Variants in LGSN observed in about 807,000 individuals in gnomAD.
LGSN encodes the protein lengsin, lens protein with glutamine synthetase domain, also known as lengsin.
In LGSN, 21 loss-of-function variants were observed where a neutral mutation model predicts 19.5. The observed-to-expected ratio is 1.07, with a 90% CI of 0.76 to 1.55. The LOEUF is 1.55. Ranked by LOEUF, LGSN falls within the 40% of genes most tolerant of loss-of-function variation. LGSN has a pLI of 0.00. For synonymous variants in LGSN, 257 were observed against 215.6 expected (o/e 1.19, Z -1.68); for missense variants, 673 against 608.5 (o/e 1.11, Z -1.12).
the LGSN span, among the ~76,000 whole-genome samples, chr6:63,512,599 G>T: frequency 1.3e-5 from 2 of 152,158 alleles, no homozygotes; most frequent in African/African-American, 4.8e-5. Flanking sequence ...GTCATTCATT[G>T]TGCAAAGGGT....
chr6:63,344,066 A>G, the LGSN span, among the ~76,000 whole-genome samples: 2 of 152,218 alleles, frequency 1.3e-5, no homozygotes, highest in African/African-American at 4.8e-5. Flanking sequence ...CATAACCTCC[A>G]TATGACAGCC....
chr6:63,337,416 A>T, the LGSN span, among the ~76,000 whole-genome samples: 1 of 151,836 alleles, frequency 6.6e-6, no homozygotes, highest in Non-Finnish European at 1.5e-5. Flanking sequence ...GGTAGAGGTT[A>T]CAGTGAGCCA....
chr6:63,536,191 C>A, the LGSN span, among the ~76,000 whole-genome samples: 2 of 152,182 alleles, frequency 1.3e-5, no homozygotes, highest in Admixed American at 6.5e-5. Context: ...ATTAGCTGGG[C>A]GTGGTGGCGG....
the LGSN span, among the ~76,000 whole-genome samples, chr6:63,568,299 C>T: frequency 1.3e-5 from 2 of 152,212 alleles, no homozygotes; most frequent in Non-Finnish European, 2.9e-5. Context: ...AATGACTCTT[C>T]CTTTCACTTG....
the LGSN span, among the ~76,000 whole-genome samples, chr6:63,436,255 G>A: frequency 6.6e-6 from 1 of 152,016 alleles, no homozygotes. Context: ...AACTTTATGA[G>A]AGCAGCCCGG....
At chr6:63,490,264 G>A in the LGSN span, among the ~76,000 whole-genome samples, 4 of 152,132 alleles carry the variant, frequency 2.6e-5, no homozygotes, top group Non-Finnish European at 5.9e-5. Flanking sequence ...TCCGTGTAAG[G>A]TTGAGAATAG....
At chr6:63,543,757 C>T in the LGSN span, among the ~76,000 whole-genome samples, 3 of 152,276 alleles carry the variant, frequency 2.0e-5, no homozygotes, top group African/African-American at 7.2e-5. Context: ...TCAAGTGAAA[C>T]TTATAATGAC....
the LGSN span, among the ~76,000 whole-genome samples, chr6:63,438,513 A>C: frequency 5.3e-5 from 8 of 152,136 alleles, no homozygotes. Context: ...TACAAGAAAA[A>C]AACAAACAAC....
At chr6:63,552,857 T>C in the LGSN span, among the ~76,000 whole-genome samples, 3 of 152,346 alleles carry the variant, frequency 2.0e-5, no homozygotes, top group East Asian at 5.8e-4. Context: ...ATGTGTGGTA[T>C]TATTTCTGAG....
chr6:63,325,650 C>T, the LGSN span, among the ~76,000 whole-genome samples: 1 of 152,178 alleles, frequency 6.6e-6, no homozygotes, highest in South Asian at 2.1e-4. Flanking sequence ...AATGAAGCCG[C>T]AGACCCTCAC....
chr6:63,284,604 T>A (rs1308975836), intron 3 of LGSN, among the ~76,000 whole-genome samples: 1 of 152,188 alleles, frequency 6.6e-6, no homozygotes, highest in Non-Finnish European at 1.5e-5. Flanking sequence ...GGCAAGTAGT[T>A]AAAGTGCCAG....
chr6:63,498,670 A>G, the LGSN span, among the ~76,000 whole-genome samples: 1 of 152,250 alleles, frequency 6.6e-6, no homozygotes, highest in Non-Finnish European at 1.5e-5. Flanking sequence ...CAGGACAGTG[A>G]AGCAATGTTT....
the LGSN span, among the ~76,000 whole-genome samples, chr6:63,365,335 A>G: frequency 6.6e-6 from 1 of 152,206 alleles, no homozygotes; most frequent in East Asian, 1.9e-4. Context: ...TAGAAAATCT[A>G]GAAGAAATGG....
chr6:63,470,507 A>C, the LGSN span, among the ~76,000 whole-genome samples: 3 of 151,600 alleles, frequency 2.0e-5, no homozygotes, highest in Non-Finnish European at 4.4e-5. Context: ...AGAAAATATG[A>C]CTTATTTATA....
chr6:63,425,033 G>A, the LGSN span, among the ~76,000 whole-genome samples: 3 of 152,296 alleles, frequency 2.0e-5, no homozygotes, highest in Non-Finnish European at 4.4e-5. Context: ...TGTTCAACAT[G>A]ATTACCAATC....
chr6:63,284,345 A>G (rs1217844071), intron 3 of LGSN, among the ~76,000 whole-genome samples: 1 of 152,174 alleles, frequency 6.6e-6, no homozygotes, highest in Admixed American at 6.5e-5. Flanking sequence ...TGTATGTGGG[A>G]TATTGAACAA....
chr6:63,480,698 C>A, the LGSN span: 2 of 151,122 alleles, frequency 1.3e-5, no homozygotes, highest in Non-Finnish European at 2.9e-5. Context: ...GGTGGGAATG[C>A]AAATAAGTAC....
chr6:63,412,764 AAAGAAAGG>A, the LGSN span, among the ~76,000 whole-genome samples: 6,551 of 32,620 alleles, frequency 0.2, 733 homozygotes, highest in East Asian at 0.28. Context: ...AGAAAGAAAG[AAAGAAAGG>A]AAGGAAGGGA....
chr6:63,446,589 G>A, the LGSN span, among the ~76,000 whole-genome samples: 1 of 152,220 alleles, frequency 6.6e-6, no homozygotes, highest in Non-Finnish European at 1.5e-5. Flanking sequence ...TGTTTGTTGA[G>A]TGAATAAATT....
Sources: allele counts gnomAD v4.1 joint callset (sites outside exome capture counted in the v4.1 genomes callset), GRCh38; gene constraint gnomAD v4.1.1; transcripts MANE v1.5; gene names NCBI Gene and HGNC (gene_info 2026-07-23, HGNC 2026-07-21).